The following TAF2 variants were observed in gnomAD, a reference collection of about 807,000 sequenced individuals.
TAF2 encodes the protein TATA-box binding protein associated factor 2, also known as transcription initiation factor TFIID subunit 2.
TAF2 carries 61 observed loss-of-function variants against 138.5 expected under a neutral mutation model. The observed-to-expected ratio is 0.44, with a 90% CI of 0.36 to 0.54. TAF2 has a LOEUF of 0.54. Ranked by LOEUF, TAF2 falls within the 20% of genes least tolerant of loss-of-function variation. The pLI is 0.00. For missense variants in TAF2, 1,090 were observed against 1,427.9 expected (o/e 0.76, Z 3.81); for synonymous variants, 475 against 469.9 (o/e 1.01, Z -0.14).
At chr8:119,810,999 C>A (rs969678371) in intron 3 of TAF2, among the ~76,000 whole-genome samples, 1 of 152,060 alleles carries the variant, frequency 6.6e-6, no homozygotes, top group Admixed American at 6.6e-5. Flanking sequence ...CAAATGTTTT[C>A]TTTCATAATA....
At chr8:119,775,775 T>C (rs922677845) in intron 18 of TAF2, among the ~76,000 whole-genome samples, 7 of 152,056 alleles carry the variant, frequency 4.6e-5, no homozygotes, top group Non-Finnish European at 8.8e-5. Context: ...GGTCCTGAAA[T>C]TAACAACTTT....
chr8:119,806,433 T>A (rs1586494864), intron 3 of TAF2, 32 bp from the exon 4 acceptor site: 1 of 1,458,952 alleles, frequency 6.9e-7, no homozygotes, highest in Non-Finnish European at 9.6e-7. Context: ...CTTTTAATAA[T>A]AAGCCATGTA....
chr8:119,758,174 A>G lies in TAF2; in HGVS notation c.2699-32T>C, dbSNP rs1436129482. On this transcript the variant is annotated intron_variant, in intron 20 of 25. Coordinates refer to ENST00000378164, the MANE Select transcript of TAF2 (RefSeq NM_003184.4). ...ATAAAAGAAAATATATTTGTTGTTAATTATAACAAATTAAATAATGAATAA... is the reference window on the plus strand; with the variant it reads ...ATAAAAGAAAATATATTTGTTGTTAGTTATAACAAATTAAATAATGAATAA... 5 of 1,497,886 alleles carry G rather than the reference A, an allele frequency of 3.3e-6. No individual in the cohort carries two copies. In the Admixed American group the frequency reaches 8.4e-5, roughly 25 times the overall value. 92.8% of individuals were successfully genotyped at this position (1,497,886 alleles called of 1,614,324 possible).
At chr8:119,831,162 A>G (rs1218944376) in intron 2 of TAF2, among the ~76,000 whole-genome samples, 1 of 152,132 alleles carries the variant, frequency 6.6e-6, no homozygotes, top group Non-Finnish European at 1.5e-5. Context: ...CCTAAAATTG[A>G]TTATATCAGC....
intron 19 of TAF2, chr8:119,761,803 A>AG (rs1292352497): frequency 6.6e-6 from 1 of 150,988 alleles, no homozygotes; most frequent in African/African-American, 2.4e-5. Context: ...TTGGTCTCAA[A>AG]AAAAAAAAAA....
At position 119,764,668 on chromosome 8, in the gene TAF2, T is replaced by C. The variant is rs1269792079; in HGVS notation, c.2365-2060A>G. Among the ~76,000 whole-genome samples, 4 of 152,190 alleles carry C rather than the reference T, an allele frequency of 2.6e-5. No homozygotes were observed. In the South Asian group the frequency reaches 6.2e-4, roughly 24 times the overall value. ...TGACAAACACCTTCAACCACAGGAA[T>C]AGGCACATTTCAAAGAATTTAAGAT... On this transcript the variant is annotated intron_variant, in intron 18 of 25. Coordinates refer to ENST00000378164, the MANE Select transcript of TAF2 (RefSeq NM_003184.4).
intron 10 of TAF2, among the ~76,000 whole-genome samples, chr8:119,792,464 C>T (rs1823506706): frequency 6.6e-6 from 1 of 152,032 alleles, no homozygotes; most frequent in Admixed American, 6.6e-5. Context: ...AGAATTTCTA[C>T]ATGATCACAT....
chr8:119,799,167 A>AT (rs1824053111), intron 6 of TAF2, among the ~76,000 whole-genome samples: 1 of 151,966 alleles, frequency 6.6e-6, no homozygotes, highest in African/African-American at 2.4e-5. Context: ...TTATATTATC[A>AT]TTTTTTATTA....
At chr8:119,779,569 A>C (rs557965985) in intron 17 of TAF2, among the ~76,000 whole-genome samples, 1 of 152,238 alleles carries the variant, frequency 6.6e-6, no homozygotes, top group East Asian at 1.9e-4. Flanking sequence ...AAACAAAATA[A>C]CAGGATGCCA....
chr8:119,745,010 T>G, intron 23 of TAF2: 1 of 456,256 alleles, frequency 2.2e-6, no homozygotes, highest in Non-Finnish European at 4.4e-6. Flanking sequence ...TATTACATGA[T>G]GCTTCCTTGG....
At chr8:119,774,270 T>C (rs942286155) in intron 18 of TAF2, among the ~76,000 whole-genome samples, 1 of 152,136 alleles carries the variant, frequency 6.6e-6, no homozygotes, top group Non-Finnish European at 1.5e-5. Flanking sequence ...AAACCTAGTA[T>C]TAATGTCTAT....
chr8:119,800,210 T>C (rs1824157869), intron 6 of TAF2, among the ~76,000 whole-genome samples: 3 of 152,234 alleles, frequency 2.0e-5, no homozygotes, highest in Admixed American at 1.3e-4. Context: ...AGATAAGAAG[T>C]CCTTGCCCAT....
intron 14 of TAF2, 87 bp downstream of exon 14, chr8:119,788,251 G>C: frequency 8.6e-7 from 1 of 1,157,136 alleles, no homozygotes; most frequent in Non-Finnish European, 1.3e-6. Context: ...AAAAAAATTA[G>C]GTATACAAGA....
At chr8:119,822,357 G>A (rs895424862) in intron 2 of TAF2, among the ~76,000 whole-genome samples, 95 of 151,494 alleles carry the variant, frequency 6.3e-4, no homozygotes, top group African/African-American at 2.2e-3. Flanking sequence ...GAGTAGCTGG[G>A]GACTACAGAA....
At chr8:119,795,427 G>T (rs1300866998) in intron 9 of TAF2, 105 bp downstream of exon 9, 3 of 973,314 alleles carry the variant, frequency 3.1e-6, no homozygotes, top group Middle Eastern at 2.2e-4. Context: ...CCATTTTGCT[G>T]GGAAAAATTA....
intron 16 of TAF2, among the ~76,000 whole-genome samples, chr8:119,781,474 T>TC (rs1166823366): frequency 6.6e-6 from 1 of 152,026 alleles, no homozygotes; most frequent in East Asian, 1.9e-4. Flanking sequence ...GGTCAGGAGT[T>TC]CAAGACCAGC....
At position 119,795,596 on chromosome 8, in the gene TAF2, T is replaced by C. The variant is rs1487599591; in HGVS notation, c.1127A>G (p.Tyr376Cys). 4.3e-6 allele frequency: 7 copies of C among 1,613,732 alleles called. No individual in the cohort carries two copies. The highest frequency in any genetic ancestry group is 1.3e-5 in the African/African-American group (1 of 74,922). The part of the protein sequence containing the change: ...DEWVLKGISG[Y>C]IYGLWMKKTF... ...TTTTTTCATCCAAAGTCCATAGATATAGCCTGAAATTCCCTTCAGCACCCA... is the reference window on the plus strand; with the variant it reads ...TTTTTTCATCCAAAGTCCATAGATACAGCCTGAAATTCCCTTCAGCACCCA... Residue 376 changes from tyrosine to cysteine, a missense_variant, in exon 9 of 26, where the codon TAT becomes TGT. This residue lies in a region of TAF2 where 504 missense variants were observed against 680.9 expected (regional missense o/e 0.74). Coordinates refer to ENST00000378164, the MANE Select transcript of TAF2 (RefSeq NM_003184.4).
chr8:119,797,297 CTGA>C (rs927751532), intron 7 of TAF2, among the ~76,000 whole-genome samples, 194 bp from the exon 8 acceptor site: 14 of 152,202 alleles, frequency 9.2e-5, no homozygotes, highest in African/African-American at 1.4e-4. Context: ...ACATTTTCCA[CTGA>C]TGATATCAGT....
At chr8:119,800,591 C>A (rs1486592033) in intron 6 of TAF2, among the ~76,000 whole-genome samples, 1 of 152,142 alleles carries the variant, frequency 6.6e-6, no homozygotes, top group African/African-American at 2.4e-5. Context: ...TAAAGCTGAT[C>A]ATTTACCAAA....
Sources: gnomAD v4.1 joint callset for allele counts (sites outside exome capture counted in the v4.1 genomes callset) on GRCh38, gnomAD v4.1.1 for gene constraint, gnomAD v4.1.1 regional missense constraint, MANE v1.5 for transcripts, NCBI Gene and HGNC (gene_info 2026-07-23, HGNC 2026-07-21) for gene names.